RBFOX1: variants seen among roughly 807,000 people sequenced by gnomAD.
The protein encoded by RBFOX1 is RNA binding fox-1 homolog 1.
A neutral mutation model predicts 57.7 loss-of-function variants in RBFOX1; 8 were observed. The ratio of observed to expected loss-of-function variants is 0.14; its 90% CI spans 0.08 to 0.25. RBFOX1 has a LOEUF of 0.25. RBFOX1 is among the 10% of genes least tolerant of loss of function. The pLI is 1.00. For synonymous variants in RBFOX1, 326 were observed against 222.4 expected, an observed-to-expected ratio of 1.47 and a Z score of -4.15; for missense variants, 611 against 548.5, an observed-to-expected ratio of 1.11 and a Z score of -1.14.
At chr16:7,073,309 A>C (rs984792115) in intron 4 of RBFOX1, among the ~76,000 whole-genome samples, 1 of 152,218 alleles carries the variant, frequency 6.6e-6, no homozygotes, top group Non-Finnish European at 1.5e-5. Context: ...AATGTCAGCC[A>C]ATCCCTTCCC....
intron 3 of RBFOX1, among the ~76,000 whole-genome samples, chr16:5,802,356 A>G (rs933714053): frequency 6.6e-6 from 1 of 152,146 alleles, no homozygotes; most frequent in Non-Finnish European, 1.5e-5. Flanking sequence ...GGAAGCCAAG[A>G]TGCGTGTGAG....
At position 7,456,641 on chromosome 16, in the gene RBFOX1, A is replaced by C. The variant is rs548226748; in HGVS notation, c.28-61506A>C. On this transcript the variant is annotated intron_variant, in intron 4 of 15. Coordinates refer to ENST00000550418, the MANE Select transcript of RBFOX1 (RefSeq NM_018723.4). ...GTTGGGAGAACACACCTTCACGTGCATTTTGCCTCCCTTTCTTGCCTCAGC... is the reference window on the plus strand; with the variant it reads ...GTTGGGAGAACACACCTTCACGTGCCTTTTGCCTCCCTTTCTTGCCTCAGC... Among the ~76,000 whole-genome samples the C allele has an allele frequency of 7.9e-5, 12 of 152,264 alleles. No individual in the cohort carries two copies. The South Asian group carries it at 2.5e-3, about 32-fold the overall frequency.
At chr16:7,262,874 A>G (rs2094973315) in intron 4 of RBFOX1, among the ~76,000 whole-genome samples, 1 of 152,224 alleles carries the variant, frequency 6.6e-6, no homozygotes, top group South Asian at 2.1e-4. Context: ...ACAAGAGAGA[A>G]AACTTGTGTT....
intron 3 of RBFOX1, among the ~76,000 whole-genome samples, chr16:5,617,473 C>T (rs796647387): frequency 1.5e-4 from 23 of 152,318 alleles, no homozygotes; most frequent in African/African-American, 5.3e-4. Flanking sequence ...ACTCTGTGTT[C>T]TCCAATCATC....
At chr16:5,663,464 G>A (rs1417790937) in intron 3 of RBFOX1, among the ~76,000 whole-genome samples, 5 of 151,616 alleles carry the variant, frequency 3.3e-5, no homozygotes, top group African/African-American at 1.2e-4. Context: ...TTCAGCCCCC[G>A]AAAATGCTGG....
chr16:6,724,176 C>T (rs2066614049), intron 3 of RBFOX1, among the ~76,000 whole-genome samples: 1 of 151,198 alleles, frequency 6.6e-6, no homozygotes, highest in African/African-American at 2.4e-5. Flanking sequence ...GCCTTGTTGT[C>T]CTGATATGAG....
At chr16:7,277,261 G>A (rs1348118636) in intron 4 of RBFOX1, among the ~76,000 whole-genome samples, 3 of 152,002 alleles carry the variant, frequency 2.0e-5, no homozygotes, top group African/African-American at 7.3e-5. Context: ...AGATGAGGAT[G>A]GATTTTCAGA....
chr16:5,799,350 C>CAT lies in RBFOX1; in HGVS notation c.319-67950_319-67949dup, dbSNP rs562236787. Among the ~76,000 whole-genome samples, 39 of 152,158 alleles carry CAT rather than the reference C, an allele frequency of 2.6e-4. 1 individual carries two copies. The South Asian group carries it at 7.1e-3, about 28-fold the overall frequency. On this transcript the variant is annotated intron_variant, in intron 3 of 19. Coordinates refer to the RBFOX1 transcript ENST00000641259. ...GATTTGGGTGGGGACATAGCCAAAC[C>CAT]ATATCAAGGGAGGTTTGTAAAAGCA...
rs948706873 is a variant in RBFOX1 at position 6,641,203 on chromosome 16, A to C, written c.-63-13400A>C. On this transcript the variant is annotated intron_variant, in intron 2 of 15. Transcript: ENST00000550418. ...TTTGCAAACTGCATCTTGGCTGTTT[A>C]CGCTTCACCGAGGTTCAAATCAGAG... 1.9e-4 allele frequency among the ~76,000 whole-genome samples: 29 copies of C among 152,156 alleles called. 1 individual carries two copies. Among genetic ancestry groups the C allele is most frequent in the Admixed American group, 1.6e-3 (24 of 15,284 alleles).
At chr16:6,142,696 C>A (rs983333888) in intron 1 of RBFOX1, among the ~76,000 whole-genome samples, 1 of 152,154 alleles carries the variant, frequency 6.6e-6, no homozygotes, top group African/African-American at 2.4e-5. Context: ...AATGAGGAAT[C>A]CATTTACCTT....
At chr16:6,523,463 C>G (rs777361227) in intron 2 of RBFOX1, among the ~76,000 whole-genome samples, 3 of 152,144 alleles carry the variant, frequency 2.0e-5, no homozygotes, top group African/African-American at 7.2e-5. Flanking sequence ...CAGTGAAGAA[C>G]TCTGAAGGCA....
chr16:6,064,717 T>A (rs1311684501), intron 1 of RBFOX1, among the ~76,000 whole-genome samples: 1 of 152,010 alleles, frequency 6.6e-6, no homozygotes, highest in Non-Finnish European at 1.5e-5. Flanking sequence ...ATTTTTTGTA[T>A]CTTTAGTAGA....
chr16:6,254,593 T>C (rs1249622345), intron 1 of RBFOX1, among the ~76,000 whole-genome samples: 1 of 152,174 alleles, frequency 6.6e-6, no homozygotes, highest in Non-Finnish European at 1.5e-5. Flanking sequence ...TAGGAAGACA[T>C]TTTAACATCT....
chr16:5,512,342 T>A (rs895248339), intron 2 of RBFOX1, among the ~76,000 whole-genome samples: 1 of 152,108 alleles, frequency 6.6e-6, no homozygotes, highest in Admixed American at 6.6e-5. Context: ...CCAAATGTAT[T>A]GCAATCAATT....
chr16:5,389,717 A>C (rs2066352559), intron 1 of RBFOX1, among the ~76,000 whole-genome samples: 1 of 151,386 alleles, frequency 6.6e-6, no homozygotes, highest in Non-Finnish European at 1.5e-5. Flanking sequence ...TTTTATTTTA[A>C]GATGGAGTCT....
At chr16:6,834,783 C>G (rs1374833108) in intron 3 of RBFOX1, among the ~76,000 whole-genome samples, 1 of 152,050 alleles carries the variant, frequency 6.6e-6, no homozygotes, top group African/African-American at 2.4e-5. Context: ...CTGTGGCTCT[C>G]AGAGTCATTC....
intron 3 of RBFOX1, among the ~76,000 whole-genome samples, chr16:7,029,123 T>C (rs1329400033): frequency 1.1e-4 from 10 of 94,536 alleles, no homozygotes; most frequent in Non-Finnish European, 1.8e-4. Context: ...CACACACACA[T>C]ATACGTATAT....
At chr16:6,819,289 G>T (rs536322684) in intron 3 of RBFOX1, among the ~76,000 whole-genome samples, 2 of 152,308 alleles carry the variant, frequency 1.3e-5, no homozygotes, top group East Asian at 1.9e-4. Context: ...ATAGTCCCTT[G>T]TACATAGCAG....
At chr16:5,871,318 C>A (rs1371308101) in intron 4 of RBFOX1, among the ~76,000 whole-genome samples, 1 of 152,224 alleles carries the variant, frequency 6.6e-6, no homozygotes, top group Admixed American at 6.5e-5. Flanking sequence ...CTTTAAGAAC[C>A]AAACTAAGAT....
Sources: gnomAD v4.1 joint callset for allele counts (sites outside exome capture counted in the v4.1 genomes callset) on GRCh38, gnomAD v4.1.1 for gene constraint, MANE v1.5 for transcripts, NCBI Gene and HGNC (gene_info 2026-07-23, HGNC 2026-07-21) for gene names.